The following CDH20 variants were observed in gnomAD, a reference collection of about 807,000 sequenced individuals.
The protein encoded by CDH20 is cadherin-20.
In CDH20, 29 loss-of-function variants were observed where a neutral mutation model predicts 74.2. The observed-to-expected ratio is 0.39, with a 90% CI of 0.29 to 0.53. The LOEUF (loss-of-function observed/expected upper bound fraction) is 0.53, where lower values mean the gene tolerates loss of function less well. Among genes scored for constraint, CDH20 ranks in the 20% least tolerant of loss-of-function variants. CDH20 has a pLI of 0.69. For synonymous variants in CDH20, 469 were observed against 405.4 expected (o/e 1.16, Z -1.88); for missense variants, 988 against 1,048.3 (o/e 0.94, Z 0.79).
At chr18:61,386,405 A>G (rs1190632993) in intron 1 of CDH20, among the ~76,000 whole-genome samples, 3 of 152,212 alleles carry the variant, frequency 2.0e-5, no homozygotes, top group African/African-American at 7.2e-5. Context: ...GGCACTATCT[A>G]TGAACAATGA....
intron 1 of CDH20, among the ~76,000 whole-genome samples, chr18:61,458,838 A>G (rs1037447041): frequency 6.6e-6 from 1 of 152,256 alleles, no homozygotes; most frequent in Non-Finnish European, 1.5e-5. Flanking sequence ...TGTTAATTGC[A>G]TAAAGTAGCA....
chr18:61,369,177 A>G (rs1910952509), intron 1 of CDH20, among the ~76,000 whole-genome samples: 2 of 152,120 alleles, frequency 1.3e-5, no homozygotes, highest in African/African-American at 4.8e-5. Context: ...TACAAAGTAG[A>G]GAAGGAAGAC....
chr18:61,496,232 T>G, intron 2 of CDH20, among the ~76,000 whole-genome samples: 1 of 59,876 alleles, frequency 1.7e-5, no homozygotes, highest in African/African-American at 5.7e-5. Context: ...CCCTTTCCCT[T>G]TCCCCCCTTT....
intron 1 of CDH20, among the ~76,000 whole-genome samples, chr18:61,395,397 T>A (rs539649685): frequency 6.6e-6 from 1 of 152,180 alleles, no homozygotes; most frequent in African/African-American, 2.4e-5. Flanking sequence ...ATTATGTGAG[T>A]TTTTAGGACT....
chr18:61,385,082 C>T (rs531272179), intron 1 of CDH20, among the ~76,000 whole-genome samples: 3 of 152,190 alleles, frequency 2.0e-5, no homozygotes, highest in African/African-American at 7.2e-5. Context: ...AAGAACATGC[C>T]CAACATCTTA....
chr18:61,440,734 C>T (rs529992699), intron 1 of CDH20, among the ~76,000 whole-genome samples: 11 of 152,278 alleles, frequency 7.2e-5, no homozygotes, highest in Admixed American at 3.3e-4. Context: ...CACATGGTCT[C>T]TCCCCTTCAA....
chr18:61,390,540 GA>G (rs1911746990), intron 1 of CDH20, among the ~76,000 whole-genome samples: 2 of 152,144 alleles, frequency 1.3e-5, no homozygotes, highest in African/African-American at 4.8e-5. Context: ...ACTTGACAAA[GA>G]AGAATAATGT....
At chr18:61,387,199 A>G (rs140632136) in intron 1 of CDH20, among the ~76,000 whole-genome samples, 6 of 152,284 alleles carry the variant, frequency 3.9e-5, no homozygotes, top group East Asian at 1.9e-4. Context: ...ACTAATGCCA[A>G]TGACCAACAA....
At chr18:61,420,230 C>A (rs1912827929) in intron 1 of CDH20, among the ~76,000 whole-genome samples, 1 of 152,192 alleles carries the variant, frequency 6.6e-6, no homozygotes, top group African/African-American at 2.4e-5. Context: ...CCTGTTCCAT[C>A]AGCCCATTGA....
intron 1 of CDH20, among the ~76,000 whole-genome samples, chr18:61,338,091 A>G (rs769515959): frequency 2.0e-5 from 3 of 152,186 alleles, no homozygotes; most frequent in Non-Finnish European, 4.4e-5. Context: ...ACTAACCTTT[A>G]GTTTATTTTA....
At chr18:61,519,470 CA>C (rs1912115335) in intron 6 of CDH20, among the ~76,000 whole-genome samples, 1 of 151,386 alleles carries the variant, frequency 6.6e-6, no homozygotes, top group Non-Finnish European at 1.5e-5. Context: ...CAACATTCAA[CA>C]TTCTTAAAGA....
chr18:61,433,841 T>C (rs1031303922), intron 1 of CDH20, among the ~76,000 whole-genome samples: 1 of 152,190 alleles, frequency 6.6e-6, no homozygotes, highest in South Asian at 2.1e-4. Context: ...CTTTCCTAAT[T>C]GAGAAATACG....
intron 9 of CDH20, among the ~76,000 whole-genome samples, chr18:61,540,776 A>C (rs528590473): frequency 6.6e-6 from 1 of 152,220 alleles, no homozygotes. Flanking sequence ...CTAGGTCTGC[A>C]TAACCAAAAC....
chr18:61,410,150 C>A (rs1485280907), intron 1 of CDH20, among the ~76,000 whole-genome samples: 2 of 152,124 alleles, frequency 1.3e-5, no homozygotes, highest in Admixed American at 1.3e-4. Flanking sequence ...CAGAATTGTC[C>A]TGTCCTGGGT....
chr18:61,382,250 A>G lies in CDH20; in HGVS notation c.-153+48423A>G, dbSNP rs766914974. Among the ~76,000 whole-genome samples the G allele has an allele frequency of 5.3e-5, 8 of 152,348 alleles. No homozygotes were observed. The East Asian group carries it at 1.5e-3, about 29-fold the overall frequency. ...GGATCACTTTCCTCCTTAAGTCTAC[A>G]CTTCAAAACATTCTTCTAAATGCAT... On this transcript the variant is annotated intron_variant, in intron 1 of 11. Transcript: ENST00000262717.
chr18:61,531,991 C>T (rs541284887), intron 7 of CDH20, among the ~76,000 whole-genome samples: 21 of 152,304 alleles, frequency 1.4e-4, no homozygotes, highest in South Asian at 4.1e-4. Flanking sequence ...AGTGTGAGAA[C>T]GGACTAATAC....
chr18:61,401,177 C>T (rs989543224), intron 1 of CDH20, among the ~76,000 whole-genome samples: 8 of 152,230 alleles, frequency 5.3e-5, no homozygotes, highest in Non-Finnish European at 8.8e-5. Context: ...TGTTCAAACT[C>T]ATCTGCCAAT....
At chr18:61,443,466 G>A (rs897151383) in intron 1 of CDH20, among the ~76,000 whole-genome samples, 4 of 152,046 alleles carry the variant, frequency 2.6e-5, no homozygotes, top group African/African-American at 9.7e-5. Flanking sequence ...CGGTATGCAG[G>A]CCAAAGAAAA....
intron 1 of CDH20, among the ~76,000 whole-genome samples, chr18:61,476,802 A>T (rs1250327207): frequency 1.3e-5 from 2 of 152,244 alleles, no homozygotes; most frequent in African/African-American, 4.8e-5. Flanking sequence ...GCATTAATGT[A>T]TACCTAGTTG....
Sources: gnomAD v4.1 joint callset for allele counts (sites outside exome capture counted in the v4.1 genomes callset) on GRCh38, gnomAD v4.1.1 for gene constraint, MANE v1.5 for transcripts, NCBI Gene and HGNC (gene_info 2026-07-23, HGNC 2026-07-21) for gene names.